The following RALGAPA2 variants were observed in gnomAD, a reference collection of about 807,000 sequenced individuals.
RALGAPA2 encodes Ral GTPase activating protein catalytic subunit alpha 2.
A neutral mutation model predicts 230.4 loss-of-function variants in RALGAPA2; 139 were observed. The observed-to-expected ratio is 0.60, with a 90% CI of 0.53 to 0.69. The LOEUF is 0.69. RALGAPA2 is among the 30% of genes least tolerant of loss of function. The pLI is 0.00. For missense variants in RALGAPA2, 2,163 were observed against 2,276.0 expected (o/e 0.95, Z 1.01); for synonymous variants, 847 against 837.8 (o/e 1.01, Z -0.19).
At chr20:20,462,321 T>G (rs2061321261) in intron 37 of RALGAPA2, among the ~76,000 whole-genome samples, 1 of 152,228 alleles carries the variant, frequency 6.6e-6, no homozygotes, top group South Asian at 2.1e-4. Flanking sequence ...AGCTGTGCAC[T>G]TCTCAAGTTG....
Position 20,490,861 on chromosome 20 carries a change from A to AACACACACAC in RALGAPA2, c.5367+4246_5367+4255dup, listed in dbSNP as rs34230105. On this transcript the variant is annotated intron_variant, in intron 36 of 39. Coordinates refer to ENST00000202677, the MANE Select transcript of RALGAPA2 (RefSeq NM_020343.4). ...GAAGAGGGATGCATGAACACACATG[A>AACACACACAC]ACACACACACACACACACACACACA... 1.3e-3 allele frequency among the ~76,000 whole-genome samples: 183 copies of AACACACACAC among 142,266 alleles called. 1 individual carries two copies. Among genetic ancestry groups the AACACACACAC allele is most frequent in the African/African-American group, 4.3e-3 (168 of 38,790 alleles). The allele number at this position is 142,266 out of a possible 152,430, so 93.3% of individuals were successfully genotyped here.
intron 28 of RALGAPA2, among the ~76,000 whole-genome samples, 184 bp downstream of exon 28, chr20:20,526,068 T>C (rs958402062): frequency 2.6e-5 from 4 of 152,228 alleles, no homozygotes; most frequent in Admixed American, 1.3e-4. Context: ...ACTGCTGGCT[T>C]CTTTACATAG....
intron 33 of RALGAPA2, among the ~76,000 whole-genome samples, chr20:20,510,295 GCT>G (rs2062664527): frequency 6.6e-6 from 1 of 152,156 alleles, no homozygotes; most frequent in African/African-American, 2.4e-5. Context: ...ATAAAGCAGG[GCT>G]CTGTTATTTC....
chr20:20,683,988 C>A (rs929401647), intron 1 of RALGAPA2, among the ~76,000 whole-genome samples: 4 of 152,152 alleles, frequency 2.6e-5, no homozygotes. Context: ...ATGCAGAGTG[C>A]GCCACCTGTA....
At chr20:20,619,176 A>G in intron 12 of RALGAPA2, 101 bp downstream of exon 12, 1 of 1,148,256 alleles carries the variant, frequency 8.7e-7, no homozygotes, top group Non-Finnish European at 1.1e-6. Context: ...GGCTACAAAT[A>G]CCACCATACT....
chr20:20,437,403 AC>A lies in RALGAPA2; in HGVS notation c.5496-25256del, dbSNP rs1196051628. On this transcript the variant is annotated intron_variant, in intron 37 of 39. Transcript: ENST00000202677. The surrounding 1 kb of genome is among the most constrained non-coding windows in gnomAD (Gnocchi z 4.1). ...TCCTGGATTATGGCTGTGGCCTCCT[AC>A]CTCTTCTGGCCTCTGTACCCAGCAG... Among the ~76,000 whole-genome samples the A allele has an allele frequency of 2.0e-5, 3 of 151,878 alleles. No homozygotes were observed. The highest frequency in any genetic ancestry group is 4.8e-5 in the African/African-American group (2 of 41,340).
At chr20:20,445,541 A>T (rs1250937855) in intron 37 of RALGAPA2, among the ~76,000 whole-genome samples, 1 of 152,154 alleles carries the variant, frequency 6.6e-6, no homozygotes, top group Non-Finnish European at 1.5e-5. Context: ...GCTTCTTCAA[A>T]TTCTTGTTTT....
chr20:20,620,508 T>C lies in RALGAPA2; in HGVS notation c.1356A>G (p.Gln452=), dbSNP rs373974400. ...AAAATCCTAATTTTTCAGCATCTTC[T>C]TGGGCAACATCTTTTCTATCTGGCT... is the stretch of plus-strand genomic sequence containing the variant. ...MEEPDRKDVA[Q]EDAEKLGFSE... is the part of the protein sequence containing the mutation. Residue 452 remains glutamine, a synonymous_variant, in exon 11 of 40, where the codon CAA becomes CAG. Transcript: ENST00000202677. The C allele has an allele frequency of 2.2e-5, 35 of 1,613,868 alleles. No homozygotes were observed. Among genetic ancestry groups the C allele is most frequent in the Non-Finnish European group, 2.8e-5 (33 of 1,179,848 alleles).
At chr20:20,516,725 T>C (rs952837431) in intron 31 of RALGAPA2, among the ~76,000 whole-genome samples, 7 of 152,184 alleles carry the variant, frequency 4.6e-5, no homozygotes, top group Non-Finnish European at 1.0e-4. Flanking sequence ...CCTGCAGACA[T>C]TTCCCAGCAG....
At chr20:20,531,373 G>A (rs987956039) in intron 27 of RALGAPA2, among the ~76,000 whole-genome samples, 7 of 152,194 alleles carry the variant, frequency 4.6e-5, no homozygotes, top group African/African-American at 9.7e-5. Flanking sequence ...AGAGGCCAGA[G>A]CACGACACCC....
intron 37 of RALGAPA2, among the ~76,000 whole-genome samples, chr20:20,442,070 T>C (rs1255810025): frequency 1.3e-5 from 2 of 152,224 alleles, no homozygotes; most frequent in African/African-American, 4.8e-5. Context: ...GACAATGCAG[T>C]TGGAAGACAG....
At chr20:20,631,036 A>G (rs1051401469) in intron 9 of RALGAPA2, among the ~76,000 whole-genome samples, 7 of 152,212 alleles carry the variant, frequency 4.6e-5, no homozygotes, top group African/African-American at 1.7e-4. Context: ...CATGGACTGT[A>G]TGACTGCTTT....
In RALGAPA2 at chr20:20,391,519, A is replaced by C. The variant is rs576925056; in HGVS notation, c.*1770T>G. 1 of 152,370 alleles carries C rather than the reference A, an allele frequency of 6.6e-6. No individual in the cohort carries two copies. Among genetic ancestry groups the C allele is most frequent in the African/African-American group, 2.4e-5 (1 of 41,584 alleles). The allele number at this position is 152,370 out of a possible 1,614,324, so 9.4% of individuals were successfully genotyped here. ...TAAAGCAGAAAAGCAAATTCTCGCC[A>C]GGATGAGCAGGCCCGCCCTTCCGAC... On this transcript the variant is annotated 3_prime_UTR_variant, in exon 40 of 40. Transcript: ENST00000202677.
chr20:20,508,503 A>G (rs961934542), intron 33 of RALGAPA2, among the ~76,000 whole-genome samples: 2 of 152,224 alleles, frequency 1.3e-5, no homozygotes, highest in Non-Finnish European at 2.9e-5. Context: ...GCAAGAAGGC[A>G]TTTACATCTA....
intron 5 of RALGAPA2, 33 bp from the exon 6 acceptor site, chr20:20,640,911 C>G: frequency 1.3e-6 from 2 of 1,543,962 alleles, no homozygotes; most frequent in Non-Finnish European, 1.8e-6. Flanking sequence ...GAAAATGAAA[C>G]ACATGTATTT....
chr20:20,449,731 T>C (rs963080720), intron 37 of RALGAPA2, among the ~76,000 whole-genome samples: 16 of 152,208 alleles, frequency 1.1e-4, no homozygotes, highest in African/African-American at 2.9e-4. Flanking sequence ...ACTCATGGGG[T>C]AGAATAGAAA....
chr20:20,585,904 T>C (rs7343628), intron 18 of RALGAPA2, among the ~76,000 whole-genome samples: 8,451 of 151,846 alleles, frequency 0.056, 842 homozygotes, highest in African/African-American at 0.19. Flanking sequence ...ATGTTGACCA[T>C]GGCAAAACTG....
intron 34 of RALGAPA2, among the ~76,000 whole-genome samples, chr20:20,504,644 G>A (rs992564813): frequency 3.9e-5 from 6 of 151,958 alleles, no homozygotes; most frequent in Non-Finnish European, 8.8e-5. Flanking sequence ...GAGAATTGCT[G>A]GAACCCGGGA....
intron 36 of RALGAPA2, among the ~76,000 whole-genome samples, chr20:20,487,150 A>G (rs2061932770): frequency 6.6e-6 from 1 of 152,198 alleles, no homozygotes; most frequent in Admixed American, 6.5e-5. Context: ...AAAGCTGGAT[A>G]TGATGTATTG....
Sources: gnomAD v4.1 joint callset for allele counts (sites outside exome capture counted in the v4.1 genomes callset) on GRCh38, gnomAD v4.1.1 for gene constraint, Gnocchi (gnomAD v3.1) non-coding constraint, MANE v1.5 for transcripts, NCBI Gene and HGNC (gene_info 2026-07-23, HGNC 2026-07-21) for gene names.